The following BHLHE22 variants were observed in gnomAD, a reference collection of about 807,000 sequenced individuals.
The protein encoded by BHLHE22 is basic helix-loop-helix family member e22.
In BHLHE22, 8 loss-of-function variants were observed where a neutral mutation model predicts 17.6. The ratio of observed to expected loss-of-function variants is 0.45; its 90% CI spans 0.27 to 0.82. The LOEUF (loss-of-function observed/expected upper bound fraction) is 0.82. BHLHE22 is among the 40% of genes least tolerant of loss of function. The pLI is 0.16. For synonymous variants in BHLHE22, 353 were observed against 282.7 expected, an observed-to-expected ratio of 1.25 and a Z score of -2.49; for missense variants, 570 against 581.5, an observed-to-expected ratio of 0.98 and a Z score of 0.20.
rs1436852295 is a variant in BHLHE22 at position 64,582,053 on chromosome 8, G to C, written c.*117G>C. The C allele has an allele frequency of 8.7e-7, 1 of 1,153,818 alleles. No individual in the cohort carries two copies. The highest frequency in any genetic ancestry group is 1.6e-5 in the African/African-American group (1 of 61,528). The allele number at this position is 1,153,818 out of a possible 1,614,324, so 71.5% of individuals were successfully genotyped here. On this transcript the variant is annotated 3_prime_UTR_variant, in exon 1 of 1. Coordinates refer to ENST00000321870, the MANE Select transcript of BHLHE22 (RefSeq NM_152414.5). ...GTGAAACACTTGCAGAGCAAACAAAGCAGAGGCAAGAACTGAGGAGAAGTA... is the reference window on the plus strand; with the variant it reads ...GTGAAACACTTGCAGAGCAAACAAACCAGAGGCAAGAACTGAGGAGAAGTA...
chr8:64,580,780 G>A lies in BHLHE22; in HGVS notation c.-11G>A, dbSNP rs1804877046. 4.9e-6 allele frequency: 6 copies of A among 1,217,390 alleles called. No individual in the cohort carries two copies. The highest frequency in any genetic ancestry group is 6.1e-6 in the Non-Finnish European group (6 of 980,572). The allele number at this position is 1,217,390 out of a possible 1,614,324, so 75.4% of individuals were successfully genotyped here. Reference sequence around the variant, plus strand: ...GGCGCGGCGGCCCGGGCTGCGCGCCGGCGCGGGACCATGGAGCGCGGGATG... The same window carrying A: ...GGCGCGGCGGCCCGGGCTGCGCGCCAGCGCGGGACCATGGAGCGCGGGATG... On this transcript the variant is annotated 5_prime_UTR_variant, in exon 1 of 1. Coordinates refer to ENST00000321870, the MANE Select transcript of BHLHE22 (RefSeq NM_152414.5).
Position 64,581,527 on chromosome 8 carries a change from A to G in BHLHE22, c.737A>G (p.Asn246Ser), listed in dbSNP as rs1804902960. The G allele has an allele frequency of 6.2e-7, 1 of 1,607,146 alleles. No homozygotes were observed. The highest frequency in any genetic ancestry group is 8.5e-7 in the Non-Finnish European group (1 of 1,179,090). Residue 246 changes from asparagine to serine, a missense_variant, in exon 1 of 1, where the codon AAC (asparagine) becomes AGC (serine). Asn to Ser is a conservative substitution (Grantham distance 46). Around this residue, in one of 3 missense-constraint regions of BHLHE22, gnomAD observed 32 missense variants for 83.3 expected, o/e 0.38. Coordinates refer to ENST00000321870, the MANE Select transcript of BHLHE22 (RefSeq NM_152414.5). The surrounding 1 kb of genome is among the most constrained non-coding windows in gnomAD (Gnocchi z 6.4). ...KSKEQKALRL[N>S]INARERRRMH... ...AAAGAGCAAAAGGCGCTGCGGCTTA[A>G]CATCAATGCCCGAGAGCGCCGGCGG...
Position 64,580,779 on chromosome 8 carries a change from C to T in BHLHE22, c.-12C>T, listed in dbSNP as rs1023241129. 9.9e-6 allele frequency: 12 copies of T among 1,210,308 alleles called. No individual in the cohort carries two copies. The South Asian group carries it at 2.3e-4, about 23-fold the overall frequency. 75.0% of individuals were successfully genotyped at this position (1,210,308 alleles called of 1,614,324 possible). A position where few individuals can be genotyped will look rare whatever the true frequency, so the allele number is the denominator to read the frequency against. On this transcript the variant is annotated 5_prime_UTR_variant, in exon 1 of 1. Coordinates refer to ENST00000321870, the MANE Select transcript of BHLHE22 (RefSeq NM_152414.5). ...GGGCGCGGCGGCCCGGGCTGCGCGC[C>T]GGCGCGGGACCATGGAGCGCGGGAT... is the stretch of plus-strand genomic sequence containing the variant.
rs1804909305 is a variant in BHLHE22, at chr8:64,581,837, C to A, written c.1047C>A (p.Phe349Leu). 2 of 1,605,590 alleles carry A rather than the reference C, an allele frequency of 1.2e-6. No homozygotes were observed. The highest frequency in any genetic ancestry group is 1.7e-5 in the Admixed American group (1 of 59,730). ...ACGAGCAGGCAGCCGGCTACCCGTT[C>A]AGCGCCGGACTGCCCCCGGCTGCCT... ...GAYEQAAGYP[F>L]SAGLPPAASC... The change falls in exon 1 of 1, where the codon TTC becomes TTA. Residue 349 changes from phenylalanine (F) to leucine (L), a missense_variant. By Grantham distance (22) the Phe-to-Leu change is conservative. Transcript: ENST00000321870. The surrounding 1 kb of genome is among the most constrained non-coding windows in gnomAD (Gnocchi z 6.4).
rs1447038322 is a variant in BHLHE22 at position 64,580,954 on chromosome 8, C to T, written c.164C>T (p.Ala55Val). The change falls in exon 1 of 1, where the codon GCG (alanine) becomes GTG (valine). Residue 55 changes from alanine (A) to valine (V), a missense_variant. By Grantham distance (64) the Ala-to-Val change is moderately conservative. Transcript: ENST00000321870. ...SLAPPPRERP[A>V]SSSSSPLGCF... The stretch of plus-strand genomic sequence containing the variant: ...GCGCCGCCGCCTCGGGAACGCCCGG[C>T]GTCCTCCTCCTCGTCGCCCCTGGGC... 1.4e-6 allele frequency: 2 copies of T among 1,449,904 alleles called. No homozygotes were observed. The highest frequency in any genetic ancestry group is 1.5e-5 in the South Asian group (1 of 68,164). 89.8% of individuals were successfully genotyped at this position (1,449,904 alleles called of 1,614,324 possible).
In BHLHE22 at chr8:64,581,557, A is replaced by G; in HGVS notation, c.767A>G (p.His256Arg). 1 of 1,611,368 alleles carries G rather than the reference A, an allele frequency of 6.2e-7. No homozygotes were observed. Among genetic ancestry groups the G allele is most frequent in the Non-Finnish European group, 8.5e-7 (1 of 1,179,696 alleles). Residue 256 changes from histidine to arginine, a missense_variant, in exon 1 of 1, where the codon CAC becomes CGC. His to Arg is a conservative substitution (Grantham distance 29, BLOSUM62 0). Transcript: ENST00000321870. This position sits in a 1 kb window ranked among gnomAD's most constrained non-coding sequence, Gnocchi z 6.4. ...NINARERRRM[H>R]DLNDALDELR... ...AATGCCCGAGAGCGCCGGCGGATGC[A>G]CGACCTGAACGACGCGCTGGACGAG...
chr8:64,581,467 G>GCAA lies in BHLHE22; in HGVS notation c.679_680insACA (p.Ser226_Ser227insAsn), dbSNP rs1804901356. 1.3e-6 allele frequency: 2 copies of GCAA among 1,534,114 alleles called. No homozygotes were observed. Among genetic ancestry groups the GCAA allele is most frequent in the African/African-American group, 1.4e-5 (1 of 70,084 alleles). ...GGTAGCGGTAGCGGCAGCGGCGGCA[G>GCAA]CAGCAGCAGCAGCAGCAGCAGCAGC... On this transcript the variant is annotated inframe_insertion, in exon 1 of 1. Transcript: ENST00000321870. This position sits in a 1 kb window ranked among gnomAD's most constrained non-coding sequence, Gnocchi z 6.4.
rs112809206 is a variant in BHLHE22, at chr8:64,582,502, CAGAGAGAGAGAG to C, written c.*571_*582del. On this transcript the variant is annotated 3_prime_UTR_variant, in exon 1 of 1. Transcript: ENST00000321870. ...ACTTAAGTGAGGGGGAAATAAAACC[CAGAGAGAGAGAG>C]AGAGCGAGAGAGAGAGACATGTTAC... 8.0e-3 allele frequency: 1,314 copies of C among 164,796 alleles called. 11 individuals carry two copies. The highest frequency in any genetic ancestry group is 0.03 in the South Asian group (142 of 4,744). The allele number at this position is 164,796 out of a possible 1,614,324, so 10.2% of individuals were successfully genotyped here.
chr8:64,580,909 C>G lies in BHLHE22; in HGVS notation c.119C>G (p.Pro40Arg), dbSNP rs1447785131. 3.3e-6 allele frequency: 5 copies of G among 1,521,250 alleles called. No homozygotes were observed. The highest frequency in any genetic ancestry group is 4.4e-6 in the Non-Finnish European group (5 of 1,144,588). The allele number at this position is 1,521,250 out of a possible 1,614,324, so 94.2% of individuals were successfully genotyped here. A position where few individuals can be genotyped will look rare whatever the true frequency, so the allele number is the denominator to read the frequency against. ...GAAGCGGCTTTCCGCTCCACGCCCC[C>G]GGGCATGGACCTGTCCCTGGCGCCG... Reference protein sequence around the residue: ...RLEAAFRSTPPGMDLSLAPPP... With the variant: ...RLEAAFRSTPRGMDLSLAPPP... Residue 40 changes from proline to arginine, a missense_variant, in exon 1 of 1, where the codon CCG becomes CGG. By Grantham distance (103) the Pro-to-Arg change is moderately radical. Coordinates refer to ENST00000321870, the MANE Select transcript of BHLHE22 (RefSeq NM_152414.5).
rs1215796593 is a variant in BHLHE22 at position 64,580,823 on chromosome 8, C to T, written c.33C>T (p.Ala11=). 2.1e-6 allele frequency: 3 copies of T among 1,452,120 alleles called. No homozygotes were observed. Among genetic ancestry groups the T allele is most frequent in the East Asian group, 3.0e-5 (1 of 33,142 alleles). 90.0% of individuals were successfully genotyped at this position (1,452,120 alleles called of 1,614,324 possible). MERGMHLGAA[A]AGEDDLFLHK... ...GCGGGATGCACCTCGGTGCAGCGGC[C>T]GCCGGCGAGGACGACCTCTTCCTGC... Residue 11 remains alanine (A), a synonymous_variant, in exon 1 of 1, where the codon GCC becomes GCT. Coordinates refer to ENST00000321870, the MANE Select transcript of BHLHE22 (RefSeq NM_152414.5).
chr8:64,581,411 TAGCAGCAGC>T lies in BHLHE22; in HGVS notation c.622_630del (p.Ser208_Ser210del). The T allele has an allele frequency of 1.3e-6, 2 of 1,528,742 alleles. No individual in the cohort carries two copies. The highest frequency in any genetic ancestry group is 1.7e-6 in the Non-Finnish European group (2 of 1,143,614). 94.7% of individuals were successfully genotyped at this position (1,528,742 alleles called of 1,614,324 possible). A position where few individuals can be genotyped will look rare whatever the true frequency, so the allele number is the denominator to read the frequency against. On this transcript the variant is annotated inframe_deletion, in exon 1 of 1. Coordinates refer to ENST00000321870, the MANE Select transcript of BHLHE22 (RefSeq NM_152414.5). The surrounding 1 kb of genome is among the most constrained non-coding windows in gnomAD (Gnocchi z 6.4). ...GCCTGGGCGGCGGCGGCGGCGGGGG[TAGCAGCAGC>T]GGTAGCAGTGGCGGCGGTGGCGGTA...
At position 64,581,237 on chromosome 8, in the gene BHLHE22, C is replaced by T; in HGVS notation, c.447C>T (p.Asp149=). ...AESSGGEQSP[D]DDSDGRCELV... ...GCAGCGGCGGCGAGCAGAGCCCCGA[C>T]GACGACAGCGACGGTCGCTGCGAGC... Residue 149 remains aspartate (D), a synonymous_variant, in exon 1 of 1, where the codon GAC becomes GAT. Transcript: ENST00000321870. The surrounding 1 kb of genome is among the most constrained non-coding windows in gnomAD (Gnocchi z 6.4). 4.1e-6 allele frequency: 6 copies of T among 1,450,446 alleles called. No homozygotes were observed. Among genetic ancestry groups the T allele is most frequent in the Non-Finnish European group, 5.4e-6 (6 of 1,112,644 alleles). 89.8% of individuals were successfully genotyped at this position (1,450,446 alleles called of 1,614,324 possible).
rs772210413 is a variant in BHLHE22 at position 64,581,100 on chromosome 8, C to A, written c.310C>A (p.Leu104Ile). 2 of 1,342,928 alleles carry A rather than the reference C, an allele frequency of 1.5e-6. No homozygotes were observed. The highest frequency in any genetic ancestry group is 3.1e-5 in the African/African-American group (2 of 63,788). 83.2% of individuals were successfully genotyped at this position (1,342,928 alleles called of 1,614,324 possible). ...GGGGVGVPGL[L>I]VGSAGVGGDP... ...CGGCGGGGTGGGTGTCCCCGGGCTG[C>A]TAGTAGGTTCAGCCGGCGTTGGGGG... The change falls in exon 1 of 1, where the codon CTA (leucine) becomes ATA (isoleucine). Residue 104 changes from leucine (L) to isoleucine (I), a missense_variant. By Grantham distance (5) the Leu-to-Ile change is conservative (BLOSUM62 2). Coordinates refer to ENST00000321870, the MANE Select transcript of BHLHE22 (RefSeq NM_152414.5). This position sits in a 1 kb window ranked among gnomAD's most constrained non-coding sequence, Gnocchi z 6.4.
chr8:64,581,058 AGTGGCG>A lies in BHLHE22; in HGVS notation c.270_275del (p.Gly96_Gly97del). On this transcript the variant is annotated inframe_deletion, in exon 1 of 1. Coordinates refer to ENST00000321870, the MANE Select transcript of BHLHE22 (RefSeq NM_152414.5). This position sits in a 1 kb window ranked among gnomAD's most constrained non-coding sequence, Gnocchi z 6.4. The stretch of plus-strand genomic sequence containing the variant: ...AGGAGGCGGCGGCGGCAGCGCGGGA[AGTGGCG>A]GCGGCGGCGGCGGCGGGGTGGGTGT... The A allele has an allele frequency of 7.6e-7, 1 of 1,315,426 alleles. No homozygotes were observed. Among genetic ancestry groups the A allele is most frequent in the South Asian group, 2.2e-5 (1 of 44,714 alleles). The allele number at this position is 1,315,426 out of a possible 1,614,324, so 81.5% of individuals were successfully genotyped here. A position where few individuals can be genotyped will look rare whatever the true frequency, so the allele number is the denominator to read the frequency against.
In BHLHE22 at chr8:64,581,705, C is replaced by G; in HGVS notation, c.915C>G (p.Arg305=). The change falls in exon 1 of 1, where the codon CGC becomes CGG. Residue 305 remains arginine (R), a synonymous_variant. Transcript: ENST00000321870. This position sits in a 1 kb window ranked among gnomAD's most constrained non-coding sequence, Gnocchi z 6.4. The stretch of plus-strand genomic sequence containing the variant: ...CGCAGGCCCTGGAGGAGATGCGGCG[C>G]CTAGTCGCCTACCTCAACCAGGGCC... The part of the protein sequence containing the change: ...MQAQALEEMR[R]LVAYLNQGQA... 1 of 1,607,948 alleles carries G rather than the reference C, an allele frequency of 6.2e-7. No homozygotes were observed. The highest frequency in any genetic ancestry group is 1.1e-5 in the South Asian group (1 of 90,438).
Position 64,580,971 on chromosome 8 carries a change from C to G in BHLHE22, c.181C>G (p.Pro61Ala), listed in dbSNP as rs774538529. 2 of 1,405,370 alleles carry G rather than the reference C, an allele frequency of 1.4e-6. No individual in the cohort carries two copies. The highest frequency in any genetic ancestry group is 1.8e-6 in the Non-Finnish European group (2 of 1,086,354). 87.1% of individuals were successfully genotyped at this position (1,405,370 alleles called of 1,614,324 possible). A position where few individuals can be genotyped will look rare whatever the true frequency, so the allele number is the denominator to read the frequency against. Residue 61 changes from proline to alanine, a missense_variant, in exon 1 of 1, where the codon CCC becomes GCC. Pro to Ala is a conservative substitution (Grantham distance 27, BLOSUM62 -1). Around this residue, in one of 3 missense-constraint regions of BHLHE22, gnomAD observed 427 missense variants for 376.2 expected, o/e 1.14. Coordinates refer to ENST00000321870, the MANE Select transcript of BHLHE22 (RefSeq NM_152414.5). ...ACGCCCGGCGTCCTCCTCCTCGTCG[C>G]CCCTGGGCTGCTTCGAGCCGGCTGA... ...RERPASSSSSPLGCFEPADPE... is the reference protein window; with the variant it reads ...RERPASSSSSALGCFEPADPE...
rs770360217 is a variant in BHLHE22, at chr8:64,581,390, G to GGGC, written c.615_617dup (p.Gly207dup). The GGGC allele has an allele frequency of 8.0e-5, 121 of 1,515,492 alleles. No homozygotes were observed. The highest frequency in any genetic ancestry group is 4.0e-4 in the Middle Eastern group (2 of 5,046). 93.9% of individuals were successfully genotyped at this position (1,515,492 alleles called of 1,614,324 possible). A position where few individuals can be genotyped will look rare whatever the true frequency, so the allele number is the denominator to read the frequency against. On this transcript the variant is annotated inframe_insertion, in exon 1 of 1. Coordinates refer to ENST00000321870, the MANE Select transcript of BHLHE22 (RefSeq NM_152414.5). This position sits in a 1 kb window ranked among gnomAD's most constrained non-coding sequence, Gnocchi z 6.4. ...GCGCCAGCGTCCCCCCGGGGGGCCT[G>GGGC]GGCGGCGGCGGCGGCGGGGGTAGCA...
At position 64,583,443 on chromosome 8, in the gene BHLHE22, A is replaced by G. The variant is rs1385274727; in HGVS notation, c.*1507A>G. ...CTGCTATTTTCCACTCCTTGCAGAT[A>G]ATACAAATTCAGTTTGTCAGGTTGG... On this transcript the variant is annotated 3_prime_UTR_variant, in exon 1 of 1. Coordinates refer to ENST00000321870, the MANE Select transcript of BHLHE22 (RefSeq NM_152414.5). The G allele has an allele frequency of 6.0e-6, 1 of 167,090 alleles. No individual in the cohort carries two copies. Among genetic ancestry groups the G allele is most frequent in the Non-Finnish European group, 1.5e-5 (1 of 68,120 alleles). The allele number at this position is 167,090 out of a possible 1,614,324, so 10.4% of individuals were successfully genotyped here.
Position 64,581,254 on chromosome 8 carries a change from G to T in BHLHE22, c.464G>T (p.Arg155Leu). The T allele has an allele frequency of 6.9e-7, 1 of 1,448,150 alleles. No individual in the cohort carries two copies. The highest frequency in any genetic ancestry group is 9.0e-7 in the Non-Finnish European group (1 of 1,112,850). The allele number at this position is 1,448,150 out of a possible 1,614,324, so 89.7% of individuals were successfully genotyped here. A position where few individuals can be genotyped will look rare whatever the true frequency, so the allele number is the denominator to read the frequency against. ...AGCCCCGACGACGACAGCGACGGTCGCTGCGAGCTCGTGCTGCGGGCCGGA... is the reference window on the plus strand; with the variant it reads ...AGCCCCGACGACGACAGCGACGGTCTCTGCGAGCTCGTGCTGCGGGCCGGA... ...EQSPDDDSDG[R>L]CELVLRAGVA... Residue 155 changes from arginine to leucine, a missense_variant, in exon 1 of 1, where the codon CGC (arginine) becomes CTC (leucine). Physicochemically the swap from Arg to Leu is moderately radical, Grantham distance 102 (BLOSUM62 -2). Around this residue, in one of 3 missense-constraint regions of BHLHE22, gnomAD observed 427 missense variants for 376.2 expected, o/e 1.14. Transcript: ENST00000321870. The surrounding 1 kb of genome is among the most constrained non-coding windows in gnomAD (Gnocchi z 6.4).
Sources: gnomAD v4.1 joint callset for allele counts on GRCh38, gnomAD v4.1.1 for gene constraint, gnomAD v4.1.1 regional missense constraint, Gnocchi (gnomAD v3.1) non-coding constraint, MANE v1.5 for transcripts, NCBI Gene and HGNC (gene_info 2026-07-23, HGNC 2026-07-21) for gene names.